The following CCBE1 variants were observed in gnomAD, a reference collection of about 807,000 sequenced individuals.
The protein encoded by CCBE1 is collagen and calcium-binding EGF domain-containing protein 1.
CCBE1 carries 37 observed loss-of-function variants against 50.0 expected under a neutral mutation model. The ratio of observed to expected loss-of-function variants is 0.74; its 90% CI spans 0.57 to 0.97. The LOEUF (loss-of-function observed/expected upper bound fraction) is 0.97, where lower values mean the gene tolerates loss of function less well. Among genes scored for constraint, CCBE1 ranks in the 50% least tolerant of loss-of-function variants. The pLI, the probability that CCBE1 is intolerant of heterozygous loss-of-function variation, is 0.00. For synonymous variants in CCBE1, 234 were observed against 203.7 expected (o/e 1.15, Z -1.27); for missense variants, 538 against 523.8 (o/e 1.03, Z -0.26).
At chr18:59,695,627 C>T (rs941173554) in intron 2 of CCBE1, among the ~76,000 whole-genome samples, 3 of 152,212 alleles carry the variant, frequency 2.0e-5, no homozygotes, top group African/African-American at 7.2e-5. Flanking sequence ...AATGCTCTCA[C>T]CTGCAAGAAA....
intron 2 of CCBE1, among the ~76,000 whole-genome samples, chr18:59,685,300 C>T (rs2054640790): frequency 6.6e-6 from 1 of 152,098 alleles, no homozygotes; most frequent in Non-Finnish European, 1.5e-5. Context: ...ATCCATTCTC[C>T]TATTAGTCCC....
chr18:59,566,930 T>A (rs1166850539), intron 2 of CCBE1, among the ~76,000 whole-genome samples: 2 of 152,142 alleles, frequency 1.3e-5, no homozygotes, highest in Non-Finnish European at 2.9e-5. Flanking sequence ...ACAATTAAGA[T>A]AAACTATGCA....
At chr18:59,493,859 C>A (rs918178415) in intron 2 of CCBE1, among the ~76,000 whole-genome samples, 2 of 152,150 alleles carry the variant, frequency 1.3e-5, no homozygotes, top group Non-Finnish European at 2.9e-5. Context: ...GTAGGTCTTT[C>A]CCATGCTATT....
chr18:59,457,703 G>A (rs1911262404), intron 5 of CCBE1, among the ~76,000 whole-genome samples: 1 of 152,206 alleles, frequency 6.6e-6, no homozygotes, highest in Admixed American at 6.5e-5. Flanking sequence ...CACCTAGCAA[G>A]TATCTGAGGT....
intron 3 of CCBE1, among the ~76,000 whole-genome samples, chr18:59,479,978 G>T (rs1912489101): frequency 6.6e-6 from 1 of 152,202 alleles, no homozygotes; most frequent in South Asian, 2.1e-4. Context: ...CTCAATGTGT[G>T]CAAGCACATC....
chr18:59,625,509 G>A (rs913069503), intron 2 of CCBE1, among the ~76,000 whole-genome samples: 1 of 150,360 alleles, frequency 6.7e-6, no homozygotes, highest in African/African-American at 2.5e-5. Flanking sequence ...CATCTTATTT[G>A]AAAGGAAGCT....
intron 2 of CCBE1, among the ~76,000 whole-genome samples, chr18:59,638,827 TA>T (rs2053947659): frequency 6.6e-6 from 1 of 152,190 alleles, no homozygotes; most frequent in South Asian, 2.1e-4. Context: ...GGAGTAAGTC[TA>T]GCAAAAGACA....
At chr18:59,552,370 G>A (rs570687372) in intron 2 of CCBE1, among the ~76,000 whole-genome samples, 28 of 152,284 alleles carry the variant, frequency 1.8e-4, no homozygotes, top group Middle Eastern at 3.4e-3. Flanking sequence ...AGAGTGTTTC[G>A]TCAGAGGGTC....
intron 2 of CCBE1, among the ~76,000 whole-genome samples, chr18:59,666,692 C>A (rs1470100490): frequency 6.6e-6 from 1 of 152,030 alleles, no homozygotes; most frequent in African/African-American, 2.4e-5. Context: ...GGAGACTGGG[C>A]GTGGTGGCTC....
At chr18:59,608,510 T>C (rs2053529993) in intron 2 of CCBE1, among the ~76,000 whole-genome samples, 1 of 152,198 alleles carries the variant, frequency 6.6e-6, no homozygotes. Context: ...AGATGTGTTT[T>C]AGAGAAGGCA....
intron 2 of CCBE1, among the ~76,000 whole-genome samples, chr18:59,632,900 C>T (rs554877461): frequency 5.9e-5 from 9 of 152,288 alleles, no homozygotes; most frequent in Non-Finnish European, 8.8e-5. Context: ...TGAGCCACCG[C>T]GCCTGGCGAG....
intron 2 of CCBE1, among the ~76,000 whole-genome samples, chr18:59,511,199 C>A (rs117284433): frequency 6.6e-6 from 1 of 152,210 alleles, no homozygotes; most frequent in Non-Finnish European, 1.5e-5. Flanking sequence ...CTAACTGGTG[C>A]CTAACTAACT....
At chr18:59,521,122 T>C (rs1373458319) in intron 2 of CCBE1, among the ~76,000 whole-genome samples, 5 of 152,228 alleles carry the variant, frequency 3.3e-5, no homozygotes, top group Admixed American at 6.5e-5. Context: ...AATAATCTCT[T>C]GTATTATATA....
At chr18:59,436,478 G>C (rs1910163789) in intron 10 of CCBE1, among the ~76,000 whole-genome samples, 1 of 152,210 alleles carries the variant, frequency 6.6e-6, no homozygotes, top group Non-Finnish European at 1.5e-5. Flanking sequence ...GTGGTTAAGA[G>C]ACTGGGGTTC....
chr18:59,647,007 G>T (rs1467525211), intron 2 of CCBE1, among the ~76,000 whole-genome samples: 2 of 152,192 alleles, frequency 1.3e-5, no homozygotes, highest in Non-Finnish European at 2.9e-5. Flanking sequence ...GTGGGCCTAA[G>T]GATGGGAACC....
intron 2 of CCBE1, among the ~76,000 whole-genome samples, chr18:59,546,432 G>A (rs1024936622): frequency 6.6e-6 from 1 of 152,186 alleles, no homozygotes; most frequent in Non-Finnish European, 1.5e-5. Context: ...CCCAAGCTGA[G>A]GCTTGATAAG....
chr18:59,484,838 C>G (rs936230549), intron 2 of CCBE1, among the ~76,000 whole-genome samples: 2 of 152,150 alleles, frequency 1.3e-5, no homozygotes, highest in African/African-American at 4.8e-5. Context: ...AATCATAAAT[C>G]ACCATTTAAA....
chr18:59,543,846 A>AAAAG (rs566474826), intron 2 of CCBE1, among the ~76,000 whole-genome samples: 27,495 of 140,148 alleles, frequency 0.2, 3,251 homozygotes, highest in Non-Finnish European at 0.23. Context: ...AAAAAAAAAA[A>AAAAG]AAAAAAAAAA....
intron 2 of CCBE1, among the ~76,000 whole-genome samples, chr18:59,605,229 T>G (rs1282729980): frequency 1.3e-5 from 2 of 152,196 alleles, no homozygotes; most frequent in African/African-American, 2.4e-5. Flanking sequence ...ATCTTTTTGA[T>G]AAAACATCTT....
Sources: gnomAD v4.1 joint callset for allele counts (sites outside exome capture counted in the v4.1 genomes callset) on GRCh38, gnomAD v4.1.1 for gene constraint, MANE v1.5 for transcripts, NCBI Gene and HGNC (gene_info 2026-07-23, HGNC 2026-07-21) for gene names.